IFT88: variants seen among roughly 807,000 people sequenced by gnomAD.
IFT88 encodes intraflagellar transport protein 88 homolog.
A neutral mutation model predicts 119.5 loss-of-function variants in IFT88; 74 were observed. That is an observed-to-expected ratio of 0.62 (90% confidence interval 0.51 to 0.75). The LOEUF (loss-of-function observed/expected upper bound fraction) is 0.75. IFT88 is among the 30% of genes least tolerant of loss of function. The pLI is 0.00. For synonymous variants in IFT88, 279 were observed against 316.7 expected, an observed-to-expected ratio of 0.88 and a Z score of 1.26; for missense variants, 961 against 977.7, an observed-to-expected ratio of 0.98 and a Z score of 0.23.
intron 22 of IFT88, among the ~76,000 whole-genome samples, chr13:20,661,314 A>C (rs1247393374): frequency 6.6e-6 from 1 of 152,232 alleles, no homozygotes; most frequent in Non-Finnish European, 1.5e-5. Context: ...GCAGGTAGAC[A>C]GTAGCATTAG....
chr13:20,621,823 C>G (rs2046567831), intron 14 of IFT88, among the ~76,000 whole-genome samples: 1 of 152,082 alleles, frequency 6.6e-6, no homozygotes, highest in Non-Finnish European at 1.5e-5. Flanking sequence ...TACATGATGT[C>G]CTGTACCCAC....
chr13:20,650,973 A>G (rs759052659), intron 20 of IFT88, among the ~76,000 whole-genome samples: 1 of 152,118 alleles, frequency 6.6e-6, no homozygotes, highest in Non-Finnish European at 1.5e-5. Flanking sequence ...TTGGAAATCA[A>G]TTTACCATAT....
At chr13:20,658,943 GGTGT>G (rs2053332235) in intron 22 of IFT88, among the ~76,000 whole-genome samples, 1 of 152,034 alleles carries the variant, frequency 6.6e-6, no homozygotes, top group African/African-American at 2.4e-5. Flanking sequence ...TGCCATAGAG[GGTGT>G]CTAAGATAAC....
At chr13:20,604,969 A>G (rs2043179865) in intron 12 of IFT88, 66 bp from the exon 13 acceptor site, 1 of 835,626 alleles carries the variant, frequency 1.2e-6, no homozygotes, top group African/African-American at 1.7e-5. Flanking sequence ...ACAAAACAAA[A>G]CAAAAATTAA....
chr13:20,680,029 A>G (rs1472640973), intron 24 of IFT88, among the ~76,000 whole-genome samples: 1 of 152,200 alleles, frequency 6.6e-6, no homozygotes, highest in Non-Finnish European at 1.5e-5. Flanking sequence ...ATGAATCATT[A>G]CACAACACCT....
intron 7 of IFT88, among the ~76,000 whole-genome samples, chr13:20,594,434 G>A (rs1173300175): frequency 6.6e-6 from 1 of 152,174 alleles, no homozygotes; most frequent in Non-Finnish European, 1.5e-5. Flanking sequence ...TTGGCAAAGA[G>A]AATGAGATTC....
intron 23 of IFT88, among the ~76,000 whole-genome samples, chr13:20,666,787 G>C (rs1326348119): frequency 1.3e-5 from 2 of 151,942 alleles, no homozygotes; most frequent in Non-Finnish European, 2.9e-5. Context: ...AATTGCTTTT[G>C]TAAATAATTT....
intron 2 of IFT88, 56 bp from the exon 3 acceptor site, chr13:20,582,900 AT>A (rs2038973076): frequency 3.6e-6 from 5 of 1,388,524 alleles, no homozygotes; most frequent in Non-Finnish European, 3.0e-6. Flanking sequence ...GTTTAAACTT[AT>A]TTTTTCCCCC....
intron 24 of IFT88, among the ~76,000 whole-genome samples, chr13:20,677,476 C>T (rs144883287): frequency 6.6e-6 from 1 of 152,156 alleles, no homozygotes; most frequent in East Asian, 1.9e-4. Flanking sequence ...ACTTTGGATC[C>T]CTAGCTGTGG....
At chr13:20,634,347 C>CT (rs1364738747) in intron 16 of IFT88, among the ~76,000 whole-genome samples, 1 of 152,170 alleles carries the variant, frequency 6.6e-6, no homozygotes, top group African/African-American at 2.4e-5. Context: ...TCCCAAGACT[C>CT]TGAGTCTCAT....
chr13:20,667,609 ATTT>A (rs11334503), intron 23 of IFT88, among the ~76,000 whole-genome samples: 7 of 141,870 alleles, frequency 4.9e-5, no homozygotes, highest in Admixed American at 1.4e-4. Flanking sequence ...TCTTTTTTGT[ATTT>A]TTTTTTTTTT....
chr13:20,669,451 CCT>C (rs1340270115), intron 23 of IFT88, among the ~76,000 whole-genome samples: 1 of 149,838 alleles, frequency 6.7e-6, no homozygotes, highest in African/African-American at 2.5e-5. Context: ...AGACGGAGTC[CCT>C]CTCTCTGTCG....
chr13:20,597,650 A>G lies in IFT88; in HGVS notation c.594+531A>G, dbSNP rs990172710. ...TCCCAGCTACTTGGGAGGCTGGAGC[A>G]GGAGAATGGCGTGAACCCGGGAGGC... is the stretch of plus-strand genomic sequence containing the variant. On this transcript the variant is annotated intron_variant, in intron 9 of 25. Coordinates refer to ENST00000351808, the MANE Select transcript of IFT88 (RefSeq NM_006531.5). Among the ~76,000 whole-genome samples, 9 of 151,968 alleles carry G rather than the reference A, an allele frequency of 5.9e-5. No homozygotes were observed. The East Asian group carries it at 1.6e-3, about 26-fold the overall frequency.
chr13:20,677,967 A>G (rs886269855), intron 24 of IFT88, among the ~76,000 whole-genome samples: 1 of 152,228 alleles, frequency 6.6e-6, no homozygotes, highest in African/African-American at 2.4e-5. Context: ...GGGGCAGTTG[A>G]TAGACTTCCT....
intron 19 of IFT88, 143 bp downstream of exon 19, chr13:20,643,748 T>G (rs2050306879): frequency 1.5e-6 from 1 of 674,340 alleles, no homozygotes; most frequent in African/African-American, 1.8e-5. Flanking sequence ...GAAAATGAAG[T>G]TAGTTTTTGT....
At position 20,615,075 on chromosome 13, in the gene IFT88, A is replaced by G. The variant is rs1014574183; in HGVS notation, c.1113-718A>G. Among the ~76,000 whole-genome samples, 11 of 152,302 alleles carry G rather than the reference A, an allele frequency of 7.2e-5. No individual in the cohort carries two copies. The South Asian group carries it at 2.3e-3, about 32-fold the overall frequency. ...TGTGATCCACCTGCCTTGGCCTCCC[A>G]AAGTGCTGGGATTACAGGCATGAGC... On this transcript the variant is annotated intron_variant, in intron 13 of 25. Coordinates refer to ENST00000351808, the MANE Select transcript of IFT88 (RefSeq NM_006531.5).
chr13:20,596,428 G>A (rs1352104520), intron 8 of IFT88, among the ~76,000 whole-genome samples, 188 bp downstream of exon 8: 1 of 152,158 alleles, frequency 6.6e-6, no homozygotes, highest in African/African-American at 2.4e-5. Flanking sequence ...ATAATTGGCT[G>A]GTTTTGTAAT....
Position 20,643,564 on chromosome 13 carries a change from C to T in IFT88, c.1792C>T (p.Arg598Cys), listed in dbSNP as rs369672253. ...ATCTAAGCTAGGAGAATTATATGATCGTGAAGGAGATAAATCTCAAGCATT... is the reference window on the plus strand; with the variant it reads ...ATCTAAGCTAGGAGAATTATATGATTGTGAAGGAGATAAATCTCAAGCATT... The part of the protein sequence containing the change: ...VLSKLGELYD[R>C]EGDKSQAFQY... The change falls in exon 19 of 26, where the codon CGT (arginine) becomes TGT (cysteine). Residue 598 changes from arginine (R) to cysteine (C), a missense_variant. Arg to Cys is a radical substitution (Grantham distance 180). Coordinates refer to ENST00000351808, the MANE Select transcript of IFT88 (RefSeq NM_006531.5). 7 of 1,608,484 alleles carry T rather than the reference C, an allele frequency of 4.4e-6. No individual in the cohort carries two copies. Among genetic ancestry groups the T allele is most frequent in the East Asian group, 2.2e-5 (1 of 44,816 alleles).
chr13:20,600,984 T>G (rs2042497762), intron 11 of IFT88, among the ~76,000 whole-genome samples: 1 of 152,098 alleles, frequency 6.6e-6, no homozygotes, highest in Non-Finnish European at 1.5e-5. Flanking sequence ...TCTCAAAAAA[T>G]TATGCCAAGT....
Sources: allele counts gnomAD v4.1 joint callset (sites outside exome capture counted in the v4.1 genomes callset), GRCh38; gene constraint gnomAD v4.1.1; transcripts MANE v1.5; gene names NCBI Gene and HGNC (gene_info 2026-07-23, HGNC 2026-07-21).